NDEL1: variants seen among roughly 807,000 people sequenced by gnomAD.
NDEL1 encodes nudE neurodevelopment protein 1 like 1.
A neutral mutation model predicts 45.7 loss-of-function variants in NDEL1; 9 were observed. The ratio of observed to expected loss-of-function variants is 0.20; its 90% CI spans 0.12 to 0.34. The LOEUF is 0.34. Among genes scored for constraint, NDEL1 ranks in the 10% least tolerant of loss-of-function variants. The pLI, the probability that NDEL1 is intolerant of heterozygous loss-of-function variation, is 1.00. For missense variants in NDEL1, 306 were observed against 406.2 expected (o/e 0.75, Z 2.12); for synonymous variants, 133 against 158.6 (o/e 0.84, Z 1.21).
chr17:8,448,132 G>T (rs1374668973), intron 4 of NDEL1, among the ~76,000 whole-genome samples: 2 of 152,184 alleles, frequency 1.3e-5, no homozygotes, highest in Non-Finnish European at 2.9e-5. Context: ...TTTTCCTTTT[G>T]ATTTAGTTCT....
chr17:8,415,360 T>A (rs1908522589), intron 1 of NDEL1, among the ~76,000 whole-genome samples: 1 of 152,078 alleles, frequency 6.6e-6, no homozygotes, highest in Non-Finnish European at 1.5e-5. Flanking sequence ...TTGCATTTTT[T>A]TAGAGACGAG....
At chr17:8,455,673 A>G (rs1910788148) in intron 7 of NDEL1, among the ~76,000 whole-genome samples, 1 of 140,218 alleles carries the variant, frequency 7.1e-6, no homozygotes. Context: ...GGCAACAGAC[A>G]GCAAGACTCC....
chr17:8,455,478 A>T (rs1353971279), intron 7 of NDEL1, among the ~76,000 whole-genome samples: 1 of 152,168 alleles, frequency 6.6e-6, no homozygotes, highest in Non-Finnish European at 1.5e-5. Flanking sequence ...ACCTGAGGTC[A>T]GGAGTTCAAG....
At chr17:8,432,347 A>T (rs373851713), upstream of NDEL1, among the ~76,000 whole-genome samples, 2 of 58,448 alleles carry the variant, frequency 3.4e-5, no homozygotes, top group South Asian at 4.8e-4. Flanking sequence ...ATTATATATA[A>T]ATATAAATAT....
Position 8,467,376 on chromosome 17 carries a change from TTG to T in NDEL1, c.*357_*358del, listed in dbSNP as rs1276829556. 1 of 445,840 alleles carries T rather than the reference TTG, an allele frequency of 2.2e-6. No individual in the cohort carries two copies. The highest frequency in any genetic ancestry group is 2.0e-5 in the African/African-American group (1 of 49,256). The allele number at this position is 445,840 out of a possible 1,614,324, so 27.6% of individuals were successfully genotyped here. ...ACTCTGCTGTACTGATAGGATTTAG[TTG>T]TGTTTTAGGACATTGCAAATCTTCT... On this transcript the variant is annotated 3_prime_UTR_variant, in exon 9 of 9. Transcript: ENST00000334527. The surrounding 1 kb of genome is among the most constrained non-coding windows in gnomAD (Gnocchi z 6.3).
upstream of NDEL1, among the ~76,000 whole-genome samples, chr17:8,434,054 T>C (rs1033030441): frequency 1.2e-4 from 19 of 152,198 alleles, no homozygotes; most frequent in Admixed American, 1.3e-4. Context: ...GTTTTCACCT[T>C]GAGGCATGTC....
chr17:8,425,909 A>T (rs1393467439), intron 1 of NDEL1, among the ~76,000 whole-genome samples: 1 of 151,882 alleles, frequency 6.6e-6, no homozygotes, highest in Non-Finnish European at 1.5e-5. Context: ...CTCCCACCTC[A>T]GGCTACAGAA....
At chr17:8,447,256 C>T (rs1169003692) in intron 4 of NDEL1, among the ~76,000 whole-genome samples, 1 of 152,138 alleles carries the variant, frequency 6.6e-6, no homozygotes, top group Non-Finnish European at 1.5e-5. Context: ...GATTCTTGTG[C>T]CTCAGCCTTC....
chr17:8,426,403 C>T (rs1908832961), intron 1 of NDEL1, among the ~76,000 whole-genome samples: 1 of 152,146 alleles, frequency 6.6e-6, no homozygotes, highest in African/African-American at 2.4e-5. Context: ...AGTAGGTAAA[C>T]CTGGCGCCAC....
chr17:8,463,249 A>G, intron 8 of NDEL1: 1 of 1,292,136 alleles, frequency 7.7e-7, no homozygotes. Context: ...GTGGGCATGG[A>G]CTAATTTTAG....
chr17:8,455,397 A>G (rs1238295465), intron 7 of NDEL1, among the ~76,000 whole-genome samples: 1 of 152,180 alleles, frequency 6.6e-6, no homozygotes, highest in African/African-American at 2.4e-5. Flanking sequence ...CTTCTGAAAT[A>G]TTAAACCCAG....
chr17:8,452,260 T>A (rs1477831647), intron 6 of NDEL1, among the ~76,000 whole-genome samples: 1 of 152,230 alleles, frequency 6.6e-6, no homozygotes, highest in Non-Finnish European at 1.5e-5. Context: ...ATTAGAATTA[T>A]GCAGATCTGA....
chr17:8,452,958 C>G (rs1305185412), intron 6 of NDEL1, among the ~76,000 whole-genome samples: 1 of 152,028 alleles, frequency 6.6e-6, no homozygotes, highest in Non-Finnish European at 1.5e-5. Context: ...AGGCCAGTCT[C>G]AAACTCCTGA....
intron 1 of NDEL1, among the ~76,000 whole-genome samples, chr17:8,438,189 C>A (rs758280699): frequency 3.5e-4 from 54 of 152,292 alleles, no homozygotes; most frequent in Admixed American, 9.2e-4. Flanking sequence ...GAACTCCTCA[C>A]CTCGTGATCC....
chr17:8,456,783 G>A (rs1348570523), intron 7 of NDEL1, among the ~76,000 whole-genome samples: 1 of 152,200 alleles, frequency 6.6e-6, no homozygotes, highest in Non-Finnish European at 1.5e-5. Context: ...ACAGGCATGA[G>A]CCACCATGTC....
upstream of NDEL1, chr17:8,435,801 C>G (rs2151703097): frequency 2.5e-6 from 1 of 400,164 alleles, no homozygotes; most frequent in South Asian, 1.7e-5. Context: ...CCCCGCCCCA[C>G]CCCGCCCCGC....
At chr17:8,454,581 G>A (rs1320953965) in intron 6 of NDEL1, among the ~76,000 whole-genome samples, 1 of 152,180 alleles carries the variant, frequency 6.6e-6, no homozygotes, top group Non-Finnish European at 1.5e-5. Context: ...ATATGTCCTT[G>A]TAGCATTACT....
Position 8,422,897 on chromosome 17 carries a change from G to A in NDEL1, c.-13+9628G>A, listed in dbSNP as rs370205744. Among the ~76,000 whole-genome samples the A allele has an allele frequency of 1.2e-3, 180 of 151,850 alleles. 1 individual carries two copies. The highest frequency in any genetic ancestry group is 4.2e-3 in the African/African-American group (172 of 41,402). ...ATTACAGGCACCCACTACCACACCC[G>A]GCTAATTTTTGTATTTTTAGTAGAG... On this transcript the variant is annotated intron_variant, in intron 1 of 4. Coordinates refer to the NDEL1 transcript ENST00000582812.
intron 1 of NDEL1, among the ~76,000 whole-genome samples, chr17:8,418,439 C>T (rs1486004852): frequency 6.6e-6 from 1 of 152,194 alleles, no homozygotes; most frequent in Non-Finnish European, 1.5e-5. Context: ...GGAGATATCT[C>T]AGTGTCATTT....
Sources: gnomAD v4.1 joint callset for allele counts (sites outside exome capture counted in the v4.1 genomes callset) on GRCh38, gnomAD v4.1.1 for gene constraint, Gnocchi (gnomAD v3.1) non-coding constraint, MANE v1.5 for transcripts, NCBI Gene and HGNC (gene_info 2026-07-23, HGNC 2026-07-21) for gene names.